TRPC3: variants seen among roughly 807,000 people sequenced by gnomAD.
The protein encoded by TRPC3 is short transient receptor potential channel 3.
TRPC3 carries 54 observed loss-of-function variants against 90.9 expected under a neutral mutation model. The observed-to-expected ratio is 0.59, with a 90% CI of 0.48 to 0.75. The LOEUF (loss-of-function observed/expected upper bound fraction) is 0.75. Ranked by LOEUF, TRPC3 falls within the 30% of genes least tolerant of loss-of-function variation. The pLI, the probability that TRPC3 is intolerant of heterozygous loss-of-function variation, is 0.00. For missense variants in TRPC3, 918 were observed against 1,194.5 expected, an observed-to-expected ratio of 0.77 and a Z score of 3.41; for synonymous variants, 424 against 450.9, an observed-to-expected ratio of 0.94 and a Z score of 0.75.
chr4:121,910,114 T>C, intron 6 of TRPC3, 40 bp downstream of exon 6: 1 of 1,567,416 alleles, frequency 6.4e-7, no homozygotes, highest in South Asian at 1.1e-5. Flanking sequence ...TTCCAATACC[T>C]TTCCCAAAAC....
chr4:121,927,017 T>C (rs961278046), intron 2 of TRPC3, among the ~76,000 whole-genome samples: 2 of 152,218 alleles, frequency 1.3e-5, no homozygotes, highest in African/African-American at 4.8e-5. Flanking sequence ...GGTAGATGGA[T>C]ACCCACCTGT....
chr4:121,901,786 C>T (rs1361393065), intron 9 of TRPC3, among the ~76,000 whole-genome samples: 1 of 152,088 alleles, frequency 6.6e-6, no homozygotes, highest in Non-Finnish European at 1.5e-5. Context: ...AATTCAAATC[C>T]AGGTCTAATG....
Position 121,951,696 on chromosome 4 carries a change from C to T in TRPC3, c.-16G>A. 1 of 1,308,730 alleles carries T rather than the reference C, an allele frequency of 7.6e-7. No homozygotes were observed. Among genetic ancestry groups the T allele is most frequent in the Non-Finnish European group, 9.8e-7 (1 of 1,018,722 alleles). The allele number at this position is 1,308,730 out of a possible 1,614,324, so 81.1% of individuals were successfully genotyped here. The stretch of plus-strand genomic sequence containing the variant: ...TGGTGGACATCGCGCCGGCTGCGGT[C>T]CGAGTGTGGGGGTGCCGGCTGCCGG... On this transcript the variant is annotated 5_prime_UTR_variant, in exon 1 of 12. Coordinates refer to ENST00000379645, the MANE Select transcript of TRPC3 (RefSeq NM_001130698.2). The surrounding 1 kb of genome is among the most constrained non-coding windows in gnomAD (Gnocchi z 4.4).
chr4:121,910,167 C>T lies in TRPC3; in HGVS notation c.1779G>A (p.Gln593=), dbSNP rs1192890396. 3 of 1,613,140 alleles carry T rather than the reference C, an allele frequency of 1.9e-6. No individual in the cohort carries two copies. The highest frequency in any genetic ancestry group is 1.7e-5 in the Admixed American group (1 of 59,918). Residue 593 remains glutamine (Q), a synonymous_variant, in exon 6 of 12, where the codon CAG becomes CAA. Transcript: ENST00000379645. ...LSEVTLPPEI[Q]YFTYARDKWL... The stretch of plus-strand genomic sequence containing the variant: ...CTAACAACTTACCATAAGTGAAATA[C>T]TGTATCTCTGGTGGGAGTGTCACTT...
At chr4:121,928,503 T>TGTTA (rs1729792946) in intron 2 of TRPC3, among the ~76,000 whole-genome samples, 12 of 152,256 alleles carry the variant, frequency 7.9e-5, no homozygotes, top group Admixed American at 7.8e-4. Flanking sequence ...TCACATTGAC[T>TGTTA]GTTAGTTCCA....
chr4:121,925,788 T>C (rs962875380), intron 2 of TRPC3, among the ~76,000 whole-genome samples: 9 of 152,206 alleles, frequency 5.9e-5, no homozygotes, highest in Non-Finnish European at 1.3e-4. Context: ...CATCCCATGG[T>C]ACCCATGGTA....
At chr4:121,880,243 G>C (rs1169109375) in intron 11 of TRPC3, among the ~76,000 whole-genome samples, 1 of 152,088 alleles carries the variant, frequency 6.6e-6, no homozygotes, top group Non-Finnish European at 1.5e-5. Context: ...GTTGACACCT[G>C]CATCAAATAT....
Position 121,907,551 on chromosome 4 carries a change from G to C in TRPC3, c.1809C>G (p.Leu603=). The change falls in exon 7 of 12, where the codon CTC becomes CTG. Residue 603 remains leucine, a synonymous_variant. Transcript: ENST00000379645. The part of the protein sequence containing the change: ...QYFTYARDKW[L]PSDPQIISEG... The stretch of plus-strand genomic sequence containing the variant: ...CAGATATAATCTGAGGGTCAGAAGG[G>C]AGCCATTTATCTCTAGCTAGAAAAA... The C allele has an allele frequency of 6.2e-7, 1 of 1,603,628 alleles. No homozygotes were observed.
chr4:121,944,708 C>T (rs976264291), intron 1 of TRPC3, among the ~76,000 whole-genome samples: 1 of 152,146 alleles, frequency 6.6e-6, no homozygotes, highest in East Asian at 1.9e-4. Context: ...TTTCCCCTTA[C>T]TCTTAGACCT....
Position 121,925,025 on chromosome 4 carries a change from A to G in TRPC3, c.1169T>C (p.Val390Ala). 1 of 1,611,524 alleles carries G rather than the reference A, an allele frequency of 6.2e-7. No individual in the cohort carries two copies. Among genetic ancestry groups the G allele is most frequent in the Non-Finnish European group, 8.5e-7 (1 of 1,179,040 alleles). Residue 390 changes from valine to alanine, a missense_variant, in exon 3 of 12, where the codon GTC becomes GCC. By Grantham distance (64) the Val-to-Ala change is moderately conservative. Around this residue, in one of 4 missense-constraint regions of TRPC3, gnomAD observed 609 missense variants for 725.9 expected, o/e 0.84. Coordinates refer to ENST00000379645, the MANE Select transcript of TRPC3 (RefSeq NM_001130698.2). ...SRVKLAIKYE[V>A]KKFVAHPNCQ... ...GAAAGTAGGCCCACTCACCTTTTTG[A>G]CTTCATACTTAATGGCAAGTTTGAC...
At chr4:121,904,687 T>C in intron 7 of TRPC3, among the ~76,000 whole-genome samples, 170 bp from the exon 8 acceptor site, 1 of 152,146 alleles carries the variant, frequency 6.6e-6, no homozygotes, top group East Asian at 1.9e-4. Flanking sequence ...AAATTATTCT[T>C]TCAGGTTTTC....
At chr4:121,944,037 C>T (rs556901251) in intron 1 of TRPC3, among the ~76,000 whole-genome samples, 19 of 152,256 alleles carry the variant, frequency 1.2e-4, no homozygotes, top group African/African-American at 9.6e-5. Context: ...CTGAGCCCCT[C>T]GTGCATAAGC....
chr4:121,899,557 G>A (rs1009355554), intron 10 of TRPC3, 55 bp downstream of exon 10: 35 of 1,426,160 alleles, frequency 2.5e-5, no homozygotes, highest in East Asian at 1.1e-4. Flanking sequence ...AAACACACAC[G>A]CAGACATATA....
chr4:121,913,771 C>T (rs970657412), intron 4 of TRPC3, among the ~76,000 whole-genome samples: 1 of 152,158 alleles, frequency 6.6e-6, no homozygotes, highest in Non-Finnish European at 1.5e-5. Flanking sequence ...AGTCATCAAA[C>T]ATGATCAAAA....
chr4:121,949,660 C>T (rs1269765390), intron 1 of TRPC3, among the ~76,000 whole-genome samples: 1 of 152,160 alleles, frequency 6.6e-6, no homozygotes, highest in African/African-American at 2.4e-5. Flanking sequence ...TGCTGCCCTG[C>T]CTCTAGAAGA....
At chr4:121,937,892 A>G (rs1730182489) in intron 1 of TRPC3, among the ~76,000 whole-genome samples, 1 of 151,908 alleles carries the variant, frequency 6.6e-6, no homozygotes, top group Non-Finnish European at 1.5e-5. Context: ...CCTATATTCC[A>G]TGTGTTTTAA....
intron 1 of TRPC3, among the ~76,000 whole-genome samples, chr4:121,944,636 G>C (rs1024255182): frequency 3.3e-5 from 5 of 152,132 alleles, no homozygotes; most frequent in Non-Finnish European, 5.9e-5. Context: ...TTAATAAAAG[G>C]GATAATCATA....
intron 2 of TRPC3, among the ~76,000 whole-genome samples, chr4:121,930,479 C>T (rs1465784937): frequency 1.3e-5 from 2 of 152,110 alleles, no homozygotes; most frequent in Non-Finnish European, 1.5e-5. Flanking sequence ...CCAATATGGA[C>T]TTAGTCAGCT....
At chr4:121,899,954 G>C (rs1728647091) in intron 9 of TRPC3, among the ~76,000 whole-genome samples, 1 of 151,984 alleles carries the variant, frequency 6.6e-6, no homozygotes, top group African/African-American at 2.4e-5. Flanking sequence ...GTTAAAAATT[G>C]GCTCATAATA....
Sources: gnomAD v4.1 joint callset for allele counts (sites outside exome capture counted in the v4.1 genomes callset) on GRCh38, gnomAD v4.1.1 for gene constraint, gnomAD v4.1.1 regional missense constraint, Gnocchi (gnomAD v3.1) non-coding constraint, MANE v1.5 for transcripts, NCBI Gene and HGNC (gene_info 2026-07-23, HGNC 2026-07-21) for gene names.